The following SH2D4A variants were observed in gnomAD, a reference collection of about 807,000 sequenced individuals.
SH2D4A encodes SH2 domain containing 4A, also known as SH2 domain-containing protein 4A.
Under a neutral mutation model 64.7 loss-of-function variants are expected in SH2D4A, and 70 were observed. That is an observed-to-expected ratio of 1.08 (90% confidence interval 0.89 to 1.32). The LOEUF (loss-of-function observed/expected upper bound fraction) is 1.32. Among genes scored for constraint, SH2D4A ranks in the 40% most tolerant of loss-of-function variants. The pLI is 0.00. For missense variants in SH2D4A, 706 were observed against 540.1 expected (o/e 1.31, Z -3.04); for synonymous variants, 268 against 200.7 (o/e 1.34, Z -2.83).
At chr8:19,347,761 C>T (rs1029367151) in intron 4 of SH2D4A, among the ~76,000 whole-genome samples, 5 of 152,152 alleles carry the variant, frequency 3.3e-5, no homozygotes, top group Admixed American at 1.3e-4. Context: ...AAGTATTACA[C>T]GCACAAAAAA....
intron 8 of SH2D4A, among the ~76,000 whole-genome samples, chr8:19,380,982 A>C (rs1286318736): frequency 1.3e-5 from 2 of 151,800 alleles, no homozygotes; most frequent in African/African-American, 4.8e-5. Flanking sequence ...TAAGTCTTCT[A>C]ATCCAGGAAC....
intron 1 of SH2D4A, among the ~76,000 whole-genome samples, chr8:19,315,049 G>A (rs1054836002): frequency 6.7e-6 from 1 of 148,832 alleles, no homozygotes; most frequent in African/African-American, 2.5e-5. Flanking sequence ...TATTAGGTCG[G>A]TGCAAAAGTA....
At chr8:19,384,628 A>AAATTCAG (rs2053352593) in intron 8 of SH2D4A, among the ~76,000 whole-genome samples, 1 of 152,226 alleles carries the variant, frequency 6.6e-6, no homozygotes, top group Non-Finnish European at 1.5e-5. Context: ...CAAATTTAAC[A>AAATTCAG]TCCTGCTGAC....
At chr8:19,317,599 C>T (rs1414361552) in intron 1 of SH2D4A, among the ~76,000 whole-genome samples, 2 of 152,104 alleles carry the variant, frequency 1.3e-5, no homozygotes, top group African/African-American at 2.4e-5. Context: ...GTTGAGCGTG[C>T]TTGTCTCAAA....
intron 6 of SH2D4A, 159 bp downstream of exon 6, chr8:19,361,473 C>T (rs2052886758): frequency 7.2e-6 from 5 of 698,796 alleles, no homozygotes; most frequent in Non-Finnish European, 8.5e-6. Flanking sequence ...TACTCAAATG[C>T]TTACAGGCTA....
At chr8:19,325,175 G>A (rs892865396) in intron 2 of SH2D4A, among the ~76,000 whole-genome samples, 3 of 152,088 alleles carry the variant, frequency 2.0e-5, no homozygotes, top group Non-Finnish European at 2.9e-5. Flanking sequence ...CAGGAGCCAC[G>A]CTGTTTCCTC....
intron 9 of SH2D4A, among the ~76,000 whole-genome samples, chr8:19,394,336 A>G (rs2053550447): frequency 6.6e-6 from 1 of 152,192 alleles, no homozygotes; most frequent in South Asian, 2.1e-4. Flanking sequence ...CCCCTGACCT[A>G]TGAGAATTCA....
chr8:19,318,347 A>G lies in SH2D4A; in HGVS notation c.-204-997A>G, dbSNP rs536423230. 2.0e-5 allele frequency among the ~76,000 whole-genome samples: 3 copies of G among 152,350 alleles called. No homozygotes were observed. The East Asian group carries it at 5.8e-4, about 29-fold the overall frequency. On this transcript the variant is annotated intron_variant, in intron 1 of 9. Transcript: ENST00000265807. ...GTTTCCTGCTGATTACAAAAGTATG[A>G]TGGTTTATGGGACTTAGAAATTGTT... is the stretch of plus-strand genomic sequence containing the variant.
In SH2D4A at chr8:19,332,943, G is replaced by A; in HGVS notation, c.182-12G>A. 1.9e-6 allele frequency: 3 copies of A among 1,605,998 alleles called. No individual in the cohort carries two copies. Among genetic ancestry groups the A allele is most frequent in the Non-Finnish European group, 2.5e-6 (3 of 1,178,016 alleles). On this transcript the variant is annotated splice_polypyrimidine_tract_variant and intron_variant, in intron 2 of 9. Transcript: ENST00000265807. ...TTCAATCTGAATTTTTTGTTTGTGT[G>A]TTTGTTTGCAGAGAATGGCAAATCG...
chr8:19,324,194 G>A (rs529958543), intron 2 of SH2D4A, among the ~76,000 whole-genome samples: 3 of 152,256 alleles, frequency 2.0e-5, no homozygotes, highest in African/African-American at 4.8e-5. Context: ...AGACGCCTTC[G>A]CTTAGCAGCG....
chr8:19,353,311 G>A (rs1313516932), intron 4 of SH2D4A, among the ~76,000 whole-genome samples: 1 of 151,468 alleles, frequency 6.6e-6, no homozygotes, highest in Non-Finnish European at 1.5e-5. Context: ...TATTACTGAG[G>A]TATACCCTCT....
At chr8:19,333,696 G>A (rs2052398665) in intron 3 of SH2D4A, among the ~76,000 whole-genome samples, 2 of 152,150 alleles carry the variant, frequency 1.3e-5, no homozygotes, top group African/African-American at 4.8e-5. Context: ...ACTGCGGCCA[G>A]TGCAGGCTGT....
chr8:19,329,320 C>A (rs182577705), intron 2 of SH2D4A, among the ~76,000 whole-genome samples: 175 of 152,276 alleles, frequency 1.1e-3, no homozygotes, highest in Admixed American at 3.0e-3. Flanking sequence ...TGCCCTGGCC[C>A]TCCAGGGACT....
chr8:19,389,488 G>A (rs569733718), intron 8 of SH2D4A, among the ~76,000 whole-genome samples: 60 of 152,220 alleles, frequency 3.9e-4, no homozygotes, highest in African/African-American at 1.4e-3. Context: ...CAGCTGCGAC[G>A]GACCCTTGTG....
At chr8:19,391,104 G>C (rs2053485319) in intron 8 of SH2D4A, among the ~76,000 whole-genome samples, 1 of 152,086 alleles carries the variant, frequency 6.6e-6, no homozygotes, top group Non-Finnish European at 1.5e-5. Context: ...GACTTTTCAG[G>C]GTCATTGAAA....
intron 3 of SH2D4A, among the ~76,000 whole-genome samples, chr8:19,334,391 G>A (rs920770374): frequency 2.6e-5 from 4 of 152,196 alleles, no homozygotes; most frequent in African/African-American, 9.7e-5. Flanking sequence ...TAAACCAGGA[G>A]TTGAGCAGAC....
At chr8:19,352,396 C>A (rs1312219905) in intron 4 of SH2D4A, among the ~76,000 whole-genome samples, 1 of 152,220 alleles carries the variant, frequency 6.6e-6, no homozygotes, top group Non-Finnish European at 1.5e-5. Flanking sequence ...GTTATTCTGA[C>A]TTGATGTCTG....
chr8:19,313,854 GGA>G (rs2052037750), intron 1 of SH2D4A, 31 bp downstream of exon 1: 1 of 1,458,254 alleles, frequency 6.9e-7, no homozygotes, highest in Admixed American at 2.5e-5. Flanking sequence ...GAGGCTTTGG[GGA>G]GAGTGTGCGT....
intron 8 of SH2D4A, among the ~76,000 whole-genome samples, chr8:19,383,515 T>G (rs1197200225): frequency 6.6e-6 from 1 of 152,156 alleles, no homozygotes; most frequent in Non-Finnish European, 1.5e-5. Flanking sequence ...TTCCTTTGAA[T>G]GGGCCATATT....
Sources: gnomAD v4.1 joint callset for allele counts (sites outside exome capture counted in the v4.1 genomes callset) on GRCh38, gnomAD v4.1.1 for gene constraint, MANE v1.5 for transcripts, NCBI Gene and HGNC (gene_info 2026-07-23, HGNC 2026-07-21) for gene names.